Variants in NCAPG observed in about 807,000 individuals in gnomAD.
NCAPG encodes the protein non-SMC condensin I complex subunit G.
A neutral mutation model predicts 113.1 loss-of-function variants in NCAPG; 69 were observed. The ratio of observed to expected loss-of-function variants is 0.61; its 90% CI spans 0.50 to 0.75. NCAPG has a LOEUF of 0.75. Ranked by LOEUF, NCAPG falls within the 30% of genes least tolerant of loss-of-function variation. The pLI is 0.00. For missense variants in NCAPG, 1,058 were observed against 1,177.0 expected (o/e 0.90, Z 1.48); for synonymous variants, 370 against 415.8 (o/e 0.89, Z 1.34).
rs1409881303 is a variant in NCAPG, at chr4:17,844,666, G to C, written c.*1241G>C. The C allele has an allele frequency of 1.3e-5, 2 of 151,590 alleles. No homozygotes were observed. The highest frequency in any genetic ancestry group is 2.9e-5 in the Non-Finnish European group (2 of 67,826). 9.4% of individuals were successfully genotyped at this position (151,590 alleles called of 1,614,324 possible). A position where few individuals can be genotyped will look rare whatever the true frequency, so the allele number is the denominator to read the frequency against. Reference sequence around the variant, plus strand: ...ATTCCTTATGTGTTGTTGTTTTAAAGACAATTTGCAGGGGGTTGGGAGAAG... The same window carrying C: ...ATTCCTTATGTGTTGTTGTTTTAAACACAATTTGCAGGGGGTTGGGAGAAG... On this transcript the variant is annotated 3_prime_UTR_variant, in exon 21 of 21. Coordinates refer to ENST00000251496, the MANE Select transcript of NCAPG (RefSeq NM_022346.5).
intron 3 of NCAPG, among the ~76,000 whole-genome samples, chr4:17,814,433 A>G (rs1480812911): frequency 6.6e-6 from 1 of 152,202 alleles, no homozygotes; most frequent in Non-Finnish European, 1.5e-5. Context: ...TTGGTGGGAA[A>G]AAAACTTCAA....
chr4:17,835,661 A>G (rs1722065924), intron 14 of NCAPG, among the ~76,000 whole-genome samples: 1 of 152,166 alleles, frequency 6.6e-6, no homozygotes, highest in South Asian at 2.1e-4. Context: ...ACAGCAACCA[A>G]TCCGCAGTCT....
At chr4:17,834,103 G>A (rs1387930146) in intron 13 of NCAPG, among the ~76,000 whole-genome samples, 196 bp from the exon 14 acceptor site, 1 of 151,894 alleles carries the variant, frequency 6.6e-6, no homozygotes, top group Non-Finnish European at 1.5e-5. Flanking sequence ...TATATGTTAT[G>A]GTTCAAATAA....
In NCAPG at chr4:17,811,116, CT is replaced by C; in HGVS notation, c.42del (p.Arg15GlyfsTer17). 1 of 1,533,048 alleles carries C rather than the reference CT, an allele frequency of 6.5e-7. No individual in the cohort carries two copies. The highest frequency in any genetic ancestry group is 8.8e-7 in the Non-Finnish European group (1 of 1,140,504). 95.0% of individuals were successfully genotyped at this position (1,533,048 alleles called of 1,614,324 possible). On this transcript the variant is annotated frameshift_variant, in exon 1 of 21. Transcript: ENST00000251496. LOFTEE classifies it high-confidence loss of function. This position sits in a 1 kb window ranked among gnomAD's most constrained non-coding sequence, Gnocchi z 5.3. ...GGAGGCTGCTGTCGATTAAGGAGGC[CT>C]TTCGGCTGGCGCAGCAGCCGCACCA... ...ERRLLSIKEA[F>X]RLAQQPHQNQ...
chr4:17,819,046 T>G (rs1272578692), intron 7 of NCAPG, among the ~76,000 whole-genome samples: 1 of 152,194 alleles, frequency 6.6e-6, no homozygotes, highest in East Asian at 1.9e-4. Flanking sequence ...TTATATACAT[T>G]TTTTGAGTAC....
At chr4:17,833,472 A>G (rs1721955663) in intron 13 of NCAPG, among the ~76,000 whole-genome samples, 2 of 141,820 alleles carry the variant, frequency 1.4e-5, no homozygotes, top group Admixed American at 1.4e-4. Context: ...AAAAAAAAAT[A>G]TATATATATA....
intron 18 of NCAPG, 51 bp from the exon 19 acceptor site, chr4:17,840,551 TTAAAA>T (rs1722314191): frequency 9.4e-7 from 1 of 1,065,426 alleles, no homozygotes. Flanking sequence ...AAAAGACAAT[TTAAAA>T]TATTTCATGA....
At chr4:17,833,029 T>G (rs1431090188) in intron 13 of NCAPG, among the ~76,000 whole-genome samples, 1 of 152,176 alleles carries the variant, frequency 6.6e-6, no homozygotes, top group African/African-American at 2.4e-5. Flanking sequence ...TTATTTGTTC[T>G]AAAAGCCAAG....
intron 13 of NCAPG, among the ~76,000 whole-genome samples, chr4:17,833,336 G>C (rs1468393097): frequency 6.6e-6 from 1 of 151,980 alleles, no homozygotes; most frequent in Non-Finnish European, 1.5e-5. Flanking sequence ...GTATGTGCCT[G>C]TAATCCCAGC....
rs537756308 is a variant in NCAPG at position 17,827,314 on chromosome 4, G to A, written c.1654-964G>A. ...GTGGTGAACCACTAGTATTTTAAGTGGTTAGGTAAGTCTTATGTCTCAGAT... is the reference window on the plus strand; with the variant it reads ...GTGGTGAACCACTAGTATTTTAAGTAGTTAGGTAAGTCTTATGTCTCAGAT... On this transcript the variant is annotated intron_variant, in intron 11 of 20. Transcript: ENST00000251496. 1.3e-4 allele frequency among the ~76,000 whole-genome samples: 20 copies of A among 152,314 alleles called. No homozygotes were observed. The South Asian group carries it at 4.1e-3, about 32-fold the overall frequency.
chr4:17,823,257 C>G, intron 8 of NCAPG, 134 bp downstream of exon 8: 1 of 742,978 alleles, frequency 1.3e-6, no homozygotes. Context: ...CTTTTCCCTT[C>G]TACATATTTC....
chr4:17,838,129 A>G (rs952438760), intron 16 of NCAPG, among the ~76,000 whole-genome samples: 8 of 152,194 alleles, frequency 5.3e-5, no homozygotes, highest in Non-Finnish European at 8.8e-5. Context: ...CTTACCTGCT[A>G]TGCTTCTGGC....
intron 3 of NCAPG, among the ~76,000 whole-genome samples, chr4:17,814,052 A>G (rs1485591787): frequency 6.6e-6 from 1 of 152,214 alleles, no homozygotes; most frequent in Non-Finnish European, 1.5e-5. Context: ...ATATTTAAAT[A>G]TAAGAAATGG....
chr4:17,817,825 A>T, intron 6 of NCAPG, 114 bp from the exon 7 acceptor site: 1 of 1,040,104 alleles, frequency 9.6e-7, no homozygotes, highest in Non-Finnish European at 1.3e-6. Flanking sequence ...GACTCTAATT[A>T]AAAGGATAGT....
intron 13 of NCAPG, 46 bp downstream of exon 13, chr4:17,831,162 C>G: frequency 6.3e-7 from 1 of 1,591,888 alleles, no homozygotes; most frequent in South Asian, 1.1e-5. Flanking sequence ...TCCTGAAATA[C>G]TCTGTGGCGA....
rs1276860243 is a variant in NCAPG, at chr4:17,813,139, G to A, written c.538G>A (p.Val180Ile). The change falls in exon 3 of 21, where the codon GTT becomes ATT. Residue 180 changes from valine to isoleucine, a missense_variant. By Grantham distance (29) the Val-to-Ile change is conservative. Coordinates refer to ENST00000251496, the MANE Select transcript of NCAPG (RefSeq NM_022346.5). ...QDPKDDECPV[V>I]NAYATLIEND... is the part of the protein sequence containing the mutation. ...TCCCAAGGATGATGAATGCCCAGTG[G>A]TTAATGGTGTGTGTAGTTTCCTAAA... 9.3e-6 allele frequency: 15 copies of A among 1,611,372 alleles called. No homozygotes were observed. The highest frequency in any genetic ancestry group is 3.3e-4 in the Middle Eastern group (2 of 6,036).
intron 11 of NCAPG, among the ~76,000 whole-genome samples, chr4:17,827,049 C>CT (rs1721681796): frequency 6.6e-6 from 1 of 152,184 alleles, no homozygotes; most frequent in African/African-American, 2.4e-5. Context: ...TAGACTTGTG[C>CT]TTTTAACTCA....
In NCAPG at chr4:17,815,355, T is replaced by C. The variant is rs1401000516; in HGVS notation, c.772T>C (p.Ser258Pro). 1.3e-6 allele frequency: 2 copies of C among 1,582,206 alleles called. No homozygotes were observed. The highest frequency in any genetic ancestry group is 2.8e-5 in the African/African-American group (2 of 72,482). Residue 258 changes from serine to proline, a missense_variant, in exon 5 of 21, where the codon TCA becomes CCA. Physicochemically the swap from Ser to Pro is moderately conservative, Grantham distance 74 (BLOSUM62 -1). Transcript: ENST00000251496. The stretch of plus-strand genomic sequence containing the variant: ...CCTTCAACAAGGTCTTAATGACAGA[T>C]CAGGTAAGATAAACAACTTTATATA... ...MLLQQGLNDR[S>P]DAVKQAMQKH...
chr4:17,832,410 G>A (rs1445910074), intron 13 of NCAPG, among the ~76,000 whole-genome samples: 1 of 152,162 alleles, frequency 6.6e-6, no homozygotes, highest in Non-Finnish European at 1.5e-5. Context: ...GTGAGAGAAA[G>A]GTGGAGGATA....
Sources: gnomAD v4.1 joint callset for allele counts (sites outside exome capture counted in the v4.1 genomes callset) on GRCh38, gnomAD v4.1.1 for gene constraint, Gnocchi (gnomAD v3.1) non-coding constraint, MANE v1.5 for transcripts, NCBI Gene and HGNC (gene_info 2026-07-23, HGNC 2026-07-21) for gene names.